PCSK5: variants seen among roughly 807,000 people sequenced by gnomAD.
PCSK5 encodes prohormone convertase 5.
A neutral mutation model predicts 233.2 loss-of-function variants in PCSK5; 129 were observed. That is an observed-to-expected ratio of 0.55 (90% CI 0.48 to 0.64). The LOEUF (loss-of-function observed/expected upper bound fraction) is 0.64, where lower values mean the gene tolerates loss of function less well. PCSK5 is among the 30% of genes least tolerant of loss of function. PCSK5 has a pLI of 0.00. For missense variants in PCSK5, 2,076 were observed against 2,430.1 expected (o/e 0.85, Z 3.06); for synonymous variants, 825 against 879.2 (o/e 0.94, Z 1.09).
chr9:76,051,785 C>T (rs1001814763), intron 5 of PCSK5, among the ~76,000 whole-genome samples: 2 of 152,152 alleles, frequency 1.3e-5, no homozygotes, highest in African/African-American at 4.8e-5. Context: ...GAGACAATTT[C>T]CCAGTCCTCT....
At chr9:75,979,913 C>T (rs1410390231) in intron 2 of PCSK5, among the ~76,000 whole-genome samples, 1 of 152,164 alleles carries the variant, frequency 6.6e-6, no homozygotes, top group Non-Finnish European at 1.5e-5. Context: ...CACTGCCATC[C>T]TGTAGTTTAT....
chr9:76,049,259 G>GT lies in PCSK5; in HGVS notation c.633-18695dup, dbSNP rs546193472. Among the ~76,000 whole-genome samples, 44 of 152,182 alleles carry GT rather than the reference G, an allele frequency of 2.9e-4. No homozygotes were observed. In the South Asian group the frequency reaches 9.1e-3, roughly 32 times the overall value. ...TACCATCATAATAAAAACCCATCCC[G>GT]TAAGTTATTTCTAAATGAAATATGG... On this transcript the variant is annotated intron_variant, in intron 5 of 37. Coordinates refer to ENST00000674117, the MANE Select transcript of PCSK5 (RefSeq NM_001372043.1).
intron 20 of PCSK5, chr9:76,209,482 A>C (rs370852927): frequency 3.9e-6 from 2 of 510,038 alleles, no homozygotes; most frequent in Admixed American, 2.0e-5. Context: ...ACTGTATCTC[A>C]GATGCCTGGA....
At chr9:76,266,783 T>TTCTC (rs1827346094) in intron 24 of PCSK5, among the ~76,000 whole-genome samples, 4 of 152,170 alleles carry the variant, frequency 2.6e-5, no homozygotes, top group African/African-American at 9.7e-5. Context: ...TACCAGCCAG[T>TTCTC]TGCTTCTCTG....
chr9:76,133,358 G>A (rs371416424), intron 9 of PCSK5, among the ~76,000 whole-genome samples: 1 of 152,022 alleles, frequency 6.6e-6, no homozygotes, highest in Non-Finnish European at 1.5e-5. Context: ...GTATGTGCTT[G>A]GATTTGTTTC....
chr9:76,212,209 T>G (rs889472540), intron 20 of PCSK5, among the ~76,000 whole-genome samples: 1 of 152,200 alleles, frequency 6.6e-6, no homozygotes, highest in African/African-American at 2.4e-5. Context: ...TGATGACATT[T>G]CTTTCATCAT....
intron 27 of PCSK5, among the ~76,000 whole-genome samples, chr9:76,299,012 C>A (rs996181824): frequency 3.3e-5 from 5 of 152,200 alleles, no homozygotes; most frequent in Non-Finnish European, 7.3e-5. Context: ...GAGCATCTAT[C>A]AGCACAGGCT....
chr9:76,142,866 T>C (rs563372860), intron 10 of PCSK5, among the ~76,000 whole-genome samples: 3 of 152,300 alleles, frequency 2.0e-5, no homozygotes, highest in Non-Finnish European at 2.9e-5. Context: ...ATTTGGGCTA[T>C]TGTTTTCATT....
chr9:75,940,058 T>C (rs1430949740), intron 2 of PCSK5, among the ~76,000 whole-genome samples: 1 of 152,240 alleles, frequency 6.6e-6, no homozygotes, highest in Admixed American at 6.5e-5. Flanking sequence ...CTTATCACTT[T>C]ACTATCCAAT....
At chr9:76,070,457 G>A (rs2131600789) in intron 6 of PCSK5, among the ~76,000 whole-genome samples, 1 of 152,318 alleles carries the variant, frequency 6.6e-6, no homozygotes, top group South Asian at 2.1e-4. Flanking sequence ...GGAATGGAAT[G>A]TTGGCTAGAT....
At chr9:75,988,501 C>T (rs1447773893) in intron 3 of PCSK5, among the ~76,000 whole-genome samples, 3 of 151,994 alleles carry the variant, frequency 2.0e-5, no homozygotes, top group South Asian at 2.1e-4. Flanking sequence ...AGGCTTGTCT[C>T]GACCTCCTGG....
chr9:76,303,141 C>T, intron 28 of PCSK5, among the ~76,000 whole-genome samples: 1 of 152,102 alleles, frequency 6.6e-6, no homozygotes, highest in East Asian at 1.9e-4. Flanking sequence ...GCTAAGTTAA[C>T]TGCTTGTACA....
chr9:76,066,960 T>G (rs1830309433), intron 5 of PCSK5, among the ~76,000 whole-genome samples: 1 of 152,202 alleles, frequency 6.6e-6, no homozygotes, highest in African/African-American at 2.4e-5. Context: ...GGGATGGGCA[T>G]TTAACTTCAT....
chr9:76,110,292 G>T (rs948723330), intron 9 of PCSK5, among the ~76,000 whole-genome samples: 1 of 152,212 alleles, frequency 6.6e-6, no homozygotes, highest in African/African-American at 2.4e-5. Flanking sequence ...GCAAGAGTCT[G>T]CCAGTCCCTA....
intron 5 of PCSK5, among the ~76,000 whole-genome samples, chr9:76,029,663 C>A (rs1347824252): frequency 6.6e-6 from 1 of 152,108 alleles, no homozygotes; most frequent in African/African-American, 2.4e-5. Context: ...TGGGTTTGTA[C>A]CCTCTAATAC....
chr9:76,241,887 G>A (rs1475509838), intron 24 of PCSK5, among the ~76,000 whole-genome samples: 1 of 152,086 alleles, frequency 6.6e-6, no homozygotes, highest in Non-Finnish European at 1.5e-5. Context: ...ACTTCAACGT[G>A]GGCACAAATC....
chr9:76,012,156 T>C (rs1372163207), intron 3 of PCSK5, among the ~76,000 whole-genome samples: 1 of 152,214 alleles, frequency 6.6e-6, no homozygotes, highest in Admixed American at 6.5e-5. Flanking sequence ...AATACATGTT[T>C]CGACAGTTTA....
In PCSK5 at chr9:75,928,596, CATATATATATATATATATATATATATAT is replaced by C. The variant is rs61537466; in HGVS notation, c.193-3767_193-3740del. Among the ~76,000 whole-genome samples the C allele has an allele frequency of 9.6e-4, 66 of 68,418 alleles. 2 individuals carry two copies. The South Asian group carries it at 0.023, about 23-fold the overall frequency. The allele number at this position is 68,418 out of a possible 152,430, so 44.9% of individuals were successfully genotyped here. A position where few individuals can be genotyped will look rare whatever the true frequency, so the allele number is the denominator to read the frequency against. On this transcript the variant is annotated intron_variant, in intron 1 of 37. Transcript: ENST00000674117. The stretch of plus-strand genomic sequence containing the variant: ...ATAAACATGCTTTTACATATAAATA[CATATATATATATATATATATATATATAT>C]ATATATATATATATAATCCTAGAAG...
chr9:76,065,954 G>C (rs886246853), intron 5 of PCSK5, among the ~76,000 whole-genome samples: 4 of 152,134 alleles, frequency 2.6e-5, no homozygotes, highest in Non-Finnish European at 5.9e-5. Flanking sequence ...AAAGTCAGTT[G>C]GCTGTATATG....
Sources: allele counts gnomAD v4.1 joint callset (sites outside exome capture counted in the v4.1 genomes callset), GRCh38; gene constraint gnomAD v4.1.1; transcripts MANE v1.5; gene names NCBI Gene and HGNC (gene_info 2026-07-23, HGNC 2026-07-21).